Variants in ICA1 observed in about 807,000 individuals in gnomAD.
ICA1 encodes the protein 69 kDa islet cell autoantigen.
Under a neutral mutation model 71.0 loss-of-function variants are expected in ICA1, and 40 were observed. The observed-to-expected ratio is 0.56, with a 90% CI of 0.44 to 0.73. ICA1 has a LOEUF of 0.73. ICA1 is among the 30% of genes least tolerant of loss of function. The pLI is 0.00. For missense variants in ICA1, 578 were observed against 576.5 expected, an observed-to-expected ratio of 1.00 and a Z score of -0.03; for synonymous variants, 207 against 209.5, an observed-to-expected ratio of 0.99 and a Z score of 0.10.
rs1277245197 is a variant in ICA1, at chr7:8,200,631, G to C, written c.579+17674C>G. Among the ~76,000 whole-genome samples, 4 of 152,222 alleles carry C rather than the reference G, an allele frequency of 2.6e-5. No individual in the cohort carries two copies. The East Asian group carries it at 7.7e-4, about 29-fold the overall frequency. ...AGACCGATGAGGTCTCATGGAAAGG[G>C]AGCAAAAAGAACACTTGAATATAGG... On this transcript the variant is annotated intron_variant, in intron 6 of 13. Coordinates refer to ENST00000402384, the MANE Select transcript of ICA1 (RefSeq NM_001136020.3).
rs1022542428 is a variant in ICA1, at chr7:8,234,363, T to C, written c.17+1547A>G. 6.6e-6 allele frequency among the ~76,000 whole-genome samples: 1 copy of C among 152,126 alleles called. No homozygotes were observed. The highest frequency in any genetic ancestry group is 2.4e-5 in the African/African-American group (1 of 41,404). On this transcript the variant is annotated intron_variant, in intron 2 of 13. Transcript: ENST00000402384. The surrounding 1 kb of genome is among the most constrained non-coding windows in gnomAD (Gnocchi z 4.5). ...CATCCCTCCCCTTGCTTCGTCCACATCCTCTTTGGACCTAGAGTCCCTGCC... is the reference window on the plus strand; with the variant it reads ...CATCCCTCCCCTTGCTTCGTCCACACCCTCTTTGGACCTAGAGTCCCTGCC...
At chr7:8,256,535 CA>C (rs1189245139) in intron 1 of ICA1, among the ~76,000 whole-genome samples, 2 of 152,168 alleles carry the variant, frequency 1.3e-5, no homozygotes, top group African/African-American at 4.8e-5. Context: ...GAATTTACAT[CA>C]AGACTCTCCT....
At chr7:8,202,684 A>G (rs2128337431) in intron 6 of ICA1, among the ~76,000 whole-genome samples, 1 of 152,330 alleles carries the variant, frequency 6.6e-6, no homozygotes, top group Middle Eastern at 3.4e-3. Flanking sequence ...TCAGCTTAGT[A>G]AACATCTTGG....
intron 8 of ICA1, among the ~76,000 whole-genome samples, chr7:8,153,403 C>G (rs1055481113): frequency 1.4e-4 from 21 of 152,300 alleles, no homozygotes; most frequent in African/African-American, 4.6e-4. Context: ...ACACCCAACT[C>G]AACCTGCTGC....
intron 6 of ICA1, among the ~76,000 whole-genome samples, chr7:8,174,782 G>C (rs1429067615): frequency 6.7e-5 from 3 of 44,978 alleles, no homozygotes; most frequent in South Asian, 1.0e-3. Context: ...AAAAAAAACA[G>C]AGAGAGAGAC....
At chr7:8,245,855 T>G (rs1376276924) in intron 1 of ICA1, among the ~76,000 whole-genome samples, 3 of 152,198 alleles carry the variant, frequency 2.0e-5, no homozygotes, top group Non-Finnish European at 4.4e-5. Context: ...AGTTTCGCAG[T>G]AAAGACAGAT....
Position 8,226,595 on chromosome 7 carries a change from C to T in ICA1, c.256+2006G>A, listed in dbSNP as rs1798673465. ...TTTGACAGCTACATAGCAACATCCT[C>T]AAATTAACCACACTATTTTTAGTCT... On this transcript the variant is annotated intron_variant, in intron 4 of 13. Transcript: ENST00000402384. The surrounding 1 kb of genome is among the most constrained non-coding windows in gnomAD (Gnocchi z 4.4). Among the ~76,000 whole-genome samples, 1 of 152,150 alleles carries T rather than the reference C, an allele frequency of 6.6e-6. No individual in the cohort carries two copies.
chr7:8,248,122 T>C lies in ICA1; in HGVS notation c.-79-12117A>G, dbSNP rs112327433. Among the ~76,000 whole-genome samples the C allele has an allele frequency of 2.3e-3, 343 of 152,318 alleles. 3 individuals carry two copies. Among genetic ancestry groups the C allele is most frequent in the African/African-American group, 7.6e-3 (317 of 41,586 alleles). On this transcript the variant is annotated intron_variant, in intron 1 of 13. Coordinates refer to ENST00000402384, the MANE Select transcript of ICA1 (RefSeq NM_001136020.3). ...TTTCCTAAGCACGTCATTTTACTTATGCAAAGATTCATGTCTCCAATTAAT... is the reference window on the plus strand; with the variant it reads ...TTTCCTAAGCACGTCATTTTACTTACGCAAAGATTCATGTCTCCAATTAAT...
intron 1 of ICA1, among the ~76,000 whole-genome samples, chr7:8,238,862 A>G (rs910621722): frequency 8.5e-5 from 13 of 152,208 alleles, no homozygotes; most frequent in African/African-American, 3.1e-4. Flanking sequence ...GGATACTAAT[A>G]TACAGAATCC....
Position 8,128,272 on chromosome 7 carries a change from G to A in ICA1, c.1061-130C>T, listed in dbSNP as rs1188243137. The A allele has an allele frequency of 7.6e-6, 7 of 919,920 alleles. No individual in the cohort carries two copies. The African/African-American group carries it at 1.2e-4, about 15-fold the overall frequency. 57.0% of individuals were successfully genotyped at this position (919,920 alleles called of 1,614,324 possible). On this transcript the variant is annotated intron_variant, in intron 12 of 13. Transcript: ENST00000402384. Reference sequence around the variant, plus strand: ...TAAGAAAAATGTCATCAAAATATAAGTTCATCCTATTATTATAGCCTCTCT... The same window carrying A: ...TAAGAAAAATGTCATCAAAATATAAATTCATCCTATTATTATAGCCTCTCT...
At chr7:8,201,149 G>A (rs1222333033) in intron 6 of ICA1, among the ~76,000 whole-genome samples, 2 of 152,170 alleles carry the variant, frequency 1.3e-5, no homozygotes, top group African/African-American at 4.8e-5. Context: ...TCCATTGCCA[G>A]CCTGAGACAT....
rs762716490 is a variant in ICA1, at chr7:8,234,863, G to T, written c.17+1047C>A. On this transcript the variant is annotated intron_variant, in intron 2 of 13. Transcript: ENST00000402384. This position sits in a 1 kb window ranked among gnomAD's most constrained non-coding sequence, Gnocchi z 4.5. ...TAGGGGAATGGCATTCTCAAGAGTG[G>T]GCCATAGAATGGATTTCTTTGGCCG... Among the ~76,000 whole-genome samples, 1 of 152,062 alleles carries T rather than the reference G, an allele frequency of 6.6e-6. No homozygotes were observed. The highest frequency in any genetic ancestry group is 1.5e-5 in the Non-Finnish European group (1 of 68,026).
At chr7:8,227,379 T>A (rs1416024887) in intron 4 of ICA1, among the ~76,000 whole-genome samples, 2 of 152,040 alleles carry the variant, frequency 1.3e-5, no homozygotes, top group African/African-American at 2.4e-5. Context: ...GGAAGGAGAA[T>A]CTGCGAGCTA....
chr7:8,137,115 C>A (rs554186066), intron 12 of ICA1, among the ~76,000 whole-genome samples: 1 of 146,786 alleles, frequency 6.8e-6, no homozygotes. Context: ...TCTGGGTAAA[C>A]AAACACTAAG....
intron 6 of ICA1, among the ~76,000 whole-genome samples, chr7:8,214,319 A>C (rs1001878957): frequency 6.6e-6 from 1 of 152,224 alleles, no homozygotes; most frequent in African/African-American, 2.4e-5. Flanking sequence ...CTGCTACAAG[A>C]AGCTGACTTC....
In ICA1 at chr7:8,123,288, G is replaced by C. The variant is rs1787723699; in HGVS notation, c.1330+4585C>G. On this transcript the variant is annotated intron_variant, in intron 13 of 13. Transcript: ENST00000402384. This position sits in a 1 kb window ranked among gnomAD's most constrained non-coding sequence, Gnocchi z 4.1. ...TCCTCTCCATTTCCCCAGGGGACTG[G>C]GGACAGAACGAGGAGAGAGGTGGAA... Among the ~76,000 whole-genome samples, 1 of 152,162 alleles carries C rather than the reference G, an allele frequency of 6.6e-6. No homozygotes were observed. The highest frequency in any genetic ancestry group is 2.1e-4 in the South Asian group (1 of 4,808).
rs1368317052 is a variant in ICA1, at chr7:8,185,527, C to T, written c.580-26875G>A. 2.0e-5 allele frequency among the ~76,000 whole-genome samples: 3 copies of T among 152,200 alleles called. No homozygotes were observed. In the East Asian group the frequency reaches 5.8e-4, roughly 29 times the overall value. On this transcript the variant is annotated intron_variant, in intron 6 of 13. Coordinates refer to ENST00000402384, the MANE Select transcript of ICA1 (RefSeq NM_001136020.3). ...TGTAATTCTTGGGCCCTAACTTGGGCCTACGGAATCAGAAACTGGGATGGG... is the reference window on the plus strand; with the variant it reads ...TGTAATTCTTGGGCCCTAACTTGGGTCTACGGAATCAGAAACTGGGATGGG...
chr7:8,210,409 T>G (rs950925231), intron 6 of ICA1, among the ~76,000 whole-genome samples: 2 of 152,204 alleles, frequency 1.3e-5, no homozygotes, highest in Non-Finnish European at 2.9e-5. Flanking sequence ...AACTGAAAAC[T>G]TTTCAGGACA....
At position 8,139,035 on chromosome 7, in the gene ICA1, T is replaced by C. The variant is rs1167224145; in HGVS notation, c.968A>G (p.Lys323Arg). 2.5e-6 allele frequency: 4 copies of C among 1,613,378 alleles called. No individual in the cohort carries two copies. The highest frequency in any genetic ancestry group is 3.4e-6 in the Non-Finnish European group (4 of 1,179,392). The change falls in exon 11 of 14, where the codon AAA becomes AGA. Residue 323 changes from lysine (K) to arginine (R), a missense_variant. Coordinates refer to ENST00000402384, the MANE Select transcript of ICA1 (RefSeq NM_001136020.3). ...TTTGTCTAAGGCAGATAAAATACTT[T>C]TTCCATCTTCAGCTGTAATATAACA... ...ESSSFKTEDG[K>R]SILSALDKGS...
Sources: gnomAD v4.1 joint callset for allele counts (sites outside exome capture counted in the v4.1 genomes callset) on GRCh38, gnomAD v4.1.1 for gene constraint, Gnocchi (gnomAD v3.1) non-coding constraint, MANE v1.5 for transcripts, NCBI Gene and HGNC (gene_info 2026-07-23, HGNC 2026-07-21) for gene names.